Variants in COL4A2 observed in about 807,000 individuals in gnomAD.
The protein encoded by COL4A2 is collagen type IV alpha 2 chain.
A neutral mutation model predicts 200.2 loss-of-function variants in COL4A2; 99 were observed. The ratio of observed to expected loss-of-function variants is 0.49; its 90% CI spans 0.42 to 0.58. The LOEUF is 0.58. Among genes scored for constraint, COL4A2 ranks in the 20% least tolerant of loss-of-function variants. The pLI, the probability that COL4A2 is intolerant of heterozygous loss-of-function variation, is 0.00. For synonymous variants in COL4A2, 897 were observed against 900.6 expected (o/e 1.00, Z 0.07); for missense variants, 1,950 against 2,314.1 (o/e 0.84, Z 3.23).
At chr13:110,342,551 C>T (rs1453037010) in intron 3 of COL4A2, among the ~76,000 whole-genome samples, 3 of 152,164 alleles carry the variant, frequency 2.0e-5, no homozygotes, top group Non-Finnish European at 4.4e-5. Context: ...TGCCGGGAGC[C>T]GGGCACTATC....
At chr13:110,489,816 T>G (rs757675886) in intron 36 of COL4A2, 31 bp downstream of exon 36, 2 of 1,591,594 alleles carry the variant, frequency 1.3e-6, no homozygotes, top group Non-Finnish European at 1.7e-6. Flanking sequence ...GTCTTCATCT[T>G]CAACAACAGC....
At chr13:110,359,899 C>G (rs4773167) in intron 4 of COL4A2, among the ~76,000 whole-genome samples, 2 of 152,088 alleles carry the variant, frequency 1.3e-5, no homozygotes, top group East Asian at 1.9e-4. Context: ...TTGCACTTCT[C>G]AAAACAGTTA....
At chr13:110,438,085 T>C in intron 14 of COL4A2, 48 bp downstream of exon 14, 1 of 1,544,016 alleles carries the variant, frequency 6.5e-7, no homozygotes, top group Non-Finnish European at 8.9e-7. Context: ...TCCTGGGCTG[T>C]CGGCGCTCTG....
At chr13:110,462,209 G>A (rs189622970) in intron 23 of COL4A2, 23 bp downstream of exon 23, 59 of 1,614,218 alleles carry the variant, frequency 3.7e-5, no homozygotes, top group African/African-American at 1.5e-4. Flanking sequence ...CTGGCCACGC[G>A]GCCCCTGGGG....
intron 34 of COL4A2, among the ~76,000 whole-genome samples, chr13:110,486,602 C>A (rs903763740): frequency 1.3e-5 from 2 of 152,134 alleles, no homozygotes; most frequent in South Asian, 2.1e-4. Context: ...GTGTTTCAGT[C>A]GCGTCCGTGT....
intron 7 of COL4A2, 63 bp downstream of exon 7, chr13:110,428,646 A>G: frequency 1.0e-6 from 1 of 970,014 alleles, no homozygotes; most frequent in Non-Finnish European, 1.5e-6. Context: ...CCCTGCCTTT[A>G]TAACCTGGGG....
At chr13:110,434,471 A>T (rs1220263862) in intron 12 of COL4A2, 29 bp downstream of exon 12, 3 of 1,606,554 alleles carry the variant, frequency 1.9e-6, no homozygotes, top group Non-Finnish European at 2.6e-6. Context: ...ATTCCAGCAG[A>T]GGCATGCAGC....
intron 4 of COL4A2, among the ~76,000 whole-genome samples, chr13:110,416,059 G>A (rs758458649): frequency 2.6e-5 from 4 of 152,204 alleles, no homozygotes; most frequent in Non-Finnish European, 4.4e-5. Flanking sequence ...GCCAATCATC[G>A]TGTGATCCTG....
At chr13:110,438,797 TC>T (rs1881004412) in intron 15 of COL4A2, 129 bp downstream of exon 15, 2 of 816,428 alleles carry the variant, frequency 2.4e-6, no homozygotes, top group East Asian at 5.4e-5. Context: ...CCGTTATTAC[TC>T]CCCACCCCCC....
chr13:110,376,408 A>C (rs921584022), intron 4 of COL4A2, among the ~76,000 whole-genome samples: 4 of 151,914 alleles, frequency 2.6e-5, no homozygotes, highest in Non-Finnish European at 4.4e-5. Context: ...CATTTTAATC[A>C]TCCTGCCTTG....
intron 7 of COL4A2, chr13:110,429,490 C>T: frequency 5.6e-6 from 1 of 178,804 alleles, no homozygotes; most frequent in South Asian, 1.2e-4. Context: ...AAAGAATGAC[C>T]CAGTATCTAT....
chr13:110,346,162 A>G (rs1036294027), intron 3 of COL4A2, among the ~76,000 whole-genome samples: 2 of 152,204 alleles, frequency 1.3e-5, no homozygotes, highest in Non-Finnish European at 2.9e-5. Flanking sequence ...GAACAGTATC[A>G]AAATACTTGA....
intron 4 of COL4A2, among the ~76,000 whole-genome samples, chr13:110,390,259 G>T (rs1878936400): frequency 1.3e-5 from 2 of 152,350 alleles, no homozygotes; most frequent in South Asian, 4.1e-4. Flanking sequence ...GGGTTTCTAG[G>T]TCATGTCCCA....
At chr13:110,373,466 G>A (rs1403634016) in intron 4 of COL4A2, among the ~76,000 whole-genome samples, 1 of 152,166 alleles carries the variant, frequency 6.6e-6, no homozygotes, top group Non-Finnish European at 1.5e-5. Context: ...ACAACTTATA[G>A]AACAGTCCTC....
intron 18 of COL4A2, among the ~76,000 whole-genome samples, chr13:110,448,945 G>A (rs1036876378): frequency 1.3e-5 from 2 of 152,210 alleles, no homozygotes; most frequent in Non-Finnish European, 2.9e-5. Flanking sequence ...TCTGGCTGCG[G>A]AGCGCAGCCC....
chr13:110,420,835 C>T (rs992046405), intron 4 of COL4A2, among the ~76,000 whole-genome samples: 8 of 152,202 alleles, frequency 5.3e-5, no homozygotes, highest in East Asian at 1.9e-4. Context: ...GTGGCCTCCT[C>T]GGGCCATGCT....
At chr13:110,428,632 T>TAAGCCCTGCC in intron 7 of COL4A2, 49 bp downstream of exon 7, 2 of 1,129,246 alleles carry the variant, frequency 1.8e-6, no homozygotes, top group African/African-American at 1.6e-5. Context: ...AGACCCCTGC[T>TAAGCCCTGCC]AAGCCCTGCC....
In COL4A2 at chr13:110,462,369, C is replaced by T. The variant is rs1395667139; in HGVS notation, c.1761C>T (p.Gly587=). 4 of 1,612,818 alleles carry T rather than the reference C, an allele frequency of 2.5e-6. No homozygotes were observed. In the African/African-American group the frequency reaches 4.0e-5, roughly 16 times the overall value. ...GCGATGGGCTCGATGGATTCCCCGGCCTCCCAGGCCCTCCCGTGAGTAGCC... is the reference window on the plus strand; with the variant it reads ...GCGATGGGCTCGATGGATTCCCCGGTCTCCCAGGCCCTCCCGTGAGTAGCC... The part of the protein sequence containing the change: ...PGRDGLDGFP[G]LPGPPGDGIK... Residue 587 remains glycine (G), a synonymous_variant, in exon 24 of 48, where the codon GGC becomes GGT. Transcript: ENST00000360467.
Position 110,492,116 on chromosome 13 carries a change from G to A in COL4A2, c.3501G>A (p.Gly1167=), listed in dbSNP as rs1453051839. The A allele has an allele frequency of 6.4e-7, 1 of 1,553,440 alleles. No individual in the cohort carries two copies. Among genetic ancestry groups the A allele is most frequent in the Non-Finnish European group, 8.7e-7 (1 of 1,147,786 alleles). ...CTCCAGGGTCGCAGGGAGAGCTGGGGCGGATTGGACTGCCTGGTGGCAAAG... is the reference window on the plus strand; with the variant it reads ...CTCCAGGGTCGCAGGGAGAGCTGGGACGGATTGGACTGCCTGGTGGCAAAG... ...TGPPGSQGEL[G]RIGLPGGKGD... The change falls in exon 38 of 48, where the codon GGG becomes GGA. Residue 1167 remains glycine, a synonymous_variant. Transcript: ENST00000360467.
Sources: allele counts gnomAD v4.1 joint callset (sites outside exome capture counted in the v4.1 genomes callset), GRCh38; gene constraint gnomAD v4.1.1; transcripts MANE v1.5; gene names NCBI Gene and HGNC (gene_info 2026-07-23, HGNC 2026-07-21).